Variants in PTPRD observed in about 807,000 individuals in gnomAD.
The protein encoded by PTPRD is protein tyrosine phosphatase receptor type D, also known as receptor-type tyrosine-protein phosphatase delta.
A neutral mutation model predicts 214.5 loss-of-function variants in PTPRD; 34 were observed. The observed-to-expected ratio is 0.16, with a 90% CI of 0.12 to 0.21. The LOEUF is 0.21. Ranked by LOEUF, PTPRD falls within the 10% of genes least tolerant of loss-of-function variation. The pLI, the probability that PTPRD is intolerant of heterozygous loss-of-function variation, is 1.00. For synonymous variants in PTPRD, 1,128 were observed against 845.7 expected (o/e 1.33, Z -5.79); for missense variants, 2,545 against 2,398.7 (o/e 1.06, Z -1.27).
chr9:8,837,206 A>G (rs2154531587), intron 11 of PTPRD, among the ~76,000 whole-genome samples: 1 of 151,666 alleles, frequency 6.6e-6, no homozygotes, highest in South Asian at 2.1e-4. Flanking sequence ...GTAGAGACAG[A>G]GTTTCATTAT....
chr9:10,544,330 G>C (rs1275632621), intron 2 of PTPRD, among the ~76,000 whole-genome samples: 1 of 151,996 alleles, frequency 6.6e-6, no homozygotes, highest in East Asian at 1.9e-4. Context: ...TAAATGAGAA[G>C]ACAAAAATGT....
chr9:9,110,472 A>G (rs1017856176), intron 10 of PTPRD, among the ~76,000 whole-genome samples: 1 of 152,064 alleles, frequency 6.6e-6, no homozygotes, highest in Admixed American at 6.6e-5. Flanking sequence ...AGTATATCAC[A>G]TATTTCTCAT....
chr9:8,508,480 G>C lies in PTPRD; in HGVS notation c.1544-1046C>G, dbSNP rs951054161. On this transcript the variant is annotated intron_variant, in intron 21 of 45. Coordinates refer to ENST00000381196, the MANE Select transcript of PTPRD (RefSeq NM_002839.4). ...TGCTTTCCCAATTGTAAAACATTTT[G>C]ATCATTACCCTTGATATTATGGCAT... 5.9e-5 allele frequency among the ~76,000 whole-genome samples: 9 copies of C among 152,128 alleles called. No individual in the cohort carries two copies. In the East Asian group the frequency reaches 7.7e-4, roughly 13 times the overall value.
intron 2 of PTPRD, among the ~76,000 whole-genome samples, chr9:10,588,026 T>C (rs184242267): frequency 5.3e-5 from 8 of 152,198 alleles, no homozygotes; most frequent in Admixed American, 3.3e-4. Context: ...AAGTAGCTAA[T>C]TGATCATAGA....
chr9:8,671,352 A>G (rs2097282085), intron 12 of PTPRD, among the ~76,000 whole-genome samples: 1 of 152,136 alleles, frequency 6.6e-6, no homozygotes, highest in Non-Finnish European at 1.5e-5. Flanking sequence ...AGTCTTGAAA[A>G]GGTGTTTTGG....
At chr9:10,523,315 C>T (rs1447074311) in intron 2 of PTPRD, among the ~76,000 whole-genome samples, 1 of 151,766 alleles carries the variant, frequency 6.6e-6, no homozygotes, top group Non-Finnish European at 1.5e-5. Flanking sequence ...GTGTTGCCTG[C>T]CTGGATTCTC....
At chr9:9,963,876 C>T (rs1355094576) in intron 4 of PTPRD, among the ~76,000 whole-genome samples, 12 of 152,272 alleles carry the variant, frequency 7.9e-5, no homozygotes, top group African/African-American at 2.4e-4. Context: ...GATTCACAAA[C>T]GTTTTAAGTC....
intron 11 of PTPRD, among the ~76,000 whole-genome samples, chr9:8,842,604 G>A (rs1379910495): frequency 1.3e-5 from 2 of 152,082 alleles, no homozygotes; most frequent in African/African-American, 4.8e-5. Context: ...GTTAGGCTCA[G>A]TACTGTCTCT....
chr9:9,796,938 CATCTGAATAGTA>C (rs1340402776), intron 5 of PTPRD, among the ~76,000 whole-genome samples: 1 of 152,094 alleles, frequency 6.6e-6, no homozygotes, highest in Non-Finnish European at 1.5e-5. Context: ...ACTTATTCAT[CATCTGAATAGTA>C]ATATTTAAAA....
At chr9:8,662,694 C>G (rs929936074) in intron 12 of PTPRD, among the ~76,000 whole-genome samples, 24 of 152,182 alleles carry the variant, frequency 1.6e-4, no homozygotes, top group Non-Finnish European at 3.2e-4. Flanking sequence ...TCCCTCAAAT[C>G]AGGACCATTT....
chr9:10,554,636 T>C (rs1336609932), intron 2 of PTPRD, among the ~76,000 whole-genome samples: 2 of 150,850 alleles, frequency 1.3e-5, no homozygotes, highest in East Asian at 3.9e-4. Flanking sequence ...ATTAACAGGT[T>C]TATACATTTC....
At chr9:10,059,536 G>C (rs1022818667) in intron 3 of PTPRD, among the ~76,000 whole-genome samples, 10 of 152,122 alleles carry the variant, frequency 6.6e-5, no homozygotes, top group African/African-American at 2.2e-4. Flanking sequence ...TCAAGAGAAA[G>C]AGGTTTTATT....
At chr9:8,524,645 C>G in intron 18 of PTPRD, 1 of 492,296 alleles carries the variant, frequency 2.0e-6, no homozygotes, top group African/African-American at 2.0e-5. Flanking sequence ...AAATGCAAAG[C>G]ACAGTTCAAT....
intron 3 of PTPRD, among the ~76,000 whole-genome samples, chr9:10,151,299 T>C (rs903659469): frequency 7.2e-6 from 1 of 138,280 alleles, no homozygotes; most frequent in Non-Finnish European, 1.6e-5. Flanking sequence ...AGTCTTGCTC[T>C]GTTACCAGGC....
chr9:9,862,896 A>C (rs990883726), intron 5 of PTPRD, among the ~76,000 whole-genome samples: 4 of 152,200 alleles, frequency 2.6e-5, no homozygotes, highest in Non-Finnish European at 4.4e-5. Context: ...TTTAGTAGAA[A>C]AAACACAACA....
rs115310728 is a variant in PTPRD at position 8,401,620 on chromosome 9, A to G, written c.4210+2917T>C. Among the ~76,000 whole-genome samples, 447 of 152,272 alleles carry G rather than the reference A, an allele frequency of 2.9e-3. 2 individuals carry two copies. Among genetic ancestry groups the G allele is most frequent in the African/African-American group, 0.01 (434 of 41,572 alleles). On this transcript the variant is annotated intron_variant, in intron 36 of 45. Coordinates refer to ENST00000381196, the MANE Select transcript of PTPRD (RefSeq NM_002839.4). ...AAGTGTCACTATTTTCAAAAAGTTCAATAAGCACATTACTGCCCACACACA... is the reference window on the plus strand; with the variant it reads ...AAGTGTCACTATTTTCAAAAAGTTCGATAAGCACATTACTGCCCACACACA...
chr9:8,337,688 G>GTTTTT (rs1848349323), intron 43 of PTPRD, among the ~76,000 whole-genome samples: 2 of 152,028 alleles, frequency 1.3e-5, no homozygotes, highest in East Asian at 1.9e-4. Context: ...GCAACTTCCG[G>GTTTTT]TTTCAATCTT....
chr9:9,123,345 C>G lies in PTPRD; in HGVS notation c.-143+59959G>C, dbSNP rs137912862. Among the ~76,000 whole-genome samples, 460 of 152,212 alleles carry G rather than the reference C, an allele frequency of 3.0e-3. 1 individual carries two copies. Among genetic ancestry groups the G allele is most frequent in the African/African-American group, 0.01 (432 of 41,528 alleles). ...TCCCCTTCAGCAAGCTGTGTGTGTC[C>G]TTTCCAGTTCTCCTTAGGCATGATA... On this transcript the variant is annotated intron_variant, in intron 10 of 45. Coordinates refer to ENST00000381196, the MANE Select transcript of PTPRD (RefSeq NM_002839.4).
intron 2 of PTPRD, among the ~76,000 whole-genome samples, chr9:10,405,652 A>C (rs569607676): frequency 8.6e-5 from 13 of 151,590 alleles, no homozygotes; most frequent in Non-Finnish European, 1.8e-4. Flanking sequence ...TATGTACAGA[A>C]ATTTTGTAGT....
Sources: gnomAD v4.1 joint callset for allele counts (sites outside exome capture counted in the v4.1 genomes callset) on GRCh38, gnomAD v4.1.1 for gene constraint, MANE v1.5 for transcripts, NCBI Gene and HGNC (gene_info 2026-07-23, HGNC 2026-07-21) for gene names.